Variants in GALNT13 observed in about 807,000 individuals in gnomAD.
GALNT13 encodes UDP-GalNAc:polypeptide N-acetylgalactosaminyltransferase 13.
In GALNT13, 28 loss-of-function variants were observed where a neutral mutation model predicts 64.2. The ratio of observed to expected loss-of-function variants is 0.44; its 90% CI spans 0.32 to 0.60. The LOEUF is 0.60. Ranked by LOEUF, GALNT13 falls within the 20% of genes least tolerant of loss-of-function variation. The pLI, the probability that GALNT13 is intolerant of heterozygous loss-of-function variation, is 0.05. For missense variants in GALNT13, 577 were observed against 669.8 expected, an observed-to-expected ratio of 0.86 and a Z score of 1.53; for synonymous variants, 214 against 224.6, an observed-to-expected ratio of 0.95 and a Z score of 0.42.
intron 3 of GALNT13, among the ~76,000 whole-genome samples, chr2:153,955,598 C>T (rs536742916): frequency 2.0e-5 from 3 of 152,182 alleles, no homozygotes; most frequent in South Asian, 2.1e-4. Flanking sequence ...TTGTTCTTTA[C>T]GAAAAGGGAT....
At chr2:154,223,937 G>C (rs1418791548) in intron 4 of GALNT13, among the ~76,000 whole-genome samples, 1 of 152,024 alleles carries the variant, frequency 6.6e-6, no homozygotes, top group African/African-American at 2.4e-5. Flanking sequence ...GTTGACATAT[G>C]GAGATTACTT....
the GALNT13 span, among the ~76,000 whole-genome samples, chr2:153,235,902 T>C: frequency 6.6e-6 from 1 of 152,180 alleles, no homozygotes; most frequent in Non-Finnish European, 1.5e-5. Flanking sequence ...AAAGCTGAGA[T>C]AGACTGAAAG....
chr2:153,543,253 G>C, the GALNT13 span, among the ~76,000 whole-genome samples: 1 of 152,120 alleles, frequency 6.6e-6, no homozygotes, highest in Non-Finnish European at 1.5e-5. Context: ...AGAAGGAATG[G>C]CCAGAGAAGA....
At chr2:154,101,788 G>A (rs1422666189) in intron 3 of GALNT13, among the ~76,000 whole-genome samples, 1 of 151,988 alleles carries the variant, frequency 6.6e-6, no homozygotes, top group East Asian at 1.9e-4. Context: ...ATTTAATGCT[G>A]TAAATTCTTA....
chr2:153,493,036 G>A, the GALNT13 span, among the ~76,000 whole-genome samples: 5 of 151,984 alleles, frequency 3.3e-5, no homozygotes, highest in Non-Finnish European at 5.9e-5. Flanking sequence ...AGCAAAAGTG[G>A]TGTTTAGGAA....
chr2:153,520,425 T>G, the GALNT13 span, among the ~76,000 whole-genome samples: 1 of 152,166 alleles, frequency 6.6e-6, no homozygotes, highest in East Asian at 1.9e-4. Flanking sequence ...AAGCTTAGTT[T>G]GGGCTTTCAA....
chr2:153,888,274 T>G (rs1280229346), intron 1 of GALNT13, among the ~76,000 whole-genome samples: 6 of 152,146 alleles, frequency 3.9e-5, no homozygotes, highest in Non-Finnish European at 7.4e-5. Context: ...GGACTAAGTT[T>G]TAAATGTAAC....
rs1461816859 is a variant in GALNT13, at chr2:154,060,458, C to T, written c.143-79879C>T. On this transcript the variant is annotated intron_variant, in intron 3 of 12. Coordinates refer to ENST00000392825, the MANE Select transcript of GALNT13 (RefSeq NM_052917.4). ...GCAACCTCCACCTCCCAGATTCAAA[C>T]GATTCTCCTGCCTTAGCCTCCTGAG... 6.6e-5 allele frequency among the ~76,000 whole-genome samples: 10 copies of T among 152,088 alleles called. No homozygotes were observed. The South Asian group carries it at 1.7e-3, about 25-fold the overall frequency.
chr2:154,070,933 A>G (rs7420134), intron 3 of GALNT13, among the ~76,000 whole-genome samples: 1 of 151,964 alleles, frequency 6.6e-6, no homozygotes, highest in Non-Finnish European at 1.5e-5. Flanking sequence ...AAAAAAAAGA[A>G]AAAAGGAAAA....
chr2:154,256,115 T>C (rs1332569884), intron 7 of GALNT13, among the ~76,000 whole-genome samples: 1 of 152,040 alleles, frequency 6.6e-6, no homozygotes, highest in Non-Finnish European at 1.5e-5. Context: ...GCAGGATTGT[T>C]AGCAGTTTGT....
At chr2:153,348,030 C>T in the GALNT13 span, among the ~76,000 whole-genome samples, 1 of 152,146 alleles carries the variant, frequency 6.6e-6, no homozygotes, top group Non-Finnish European at 1.5e-5. Context: ...TGGTCACAGA[C>T]AGTGGCCACC....
chr2:154,360,777 A>G lies in GALNT13; in HGVS notation c.1157-35214A>G, dbSNP rs112875863. ...AATAGAAAGCAGAGCTCCTGCTTTC[A>G]AGGAACTCAGTTTGATGTGGCACCA... On this transcript the variant is annotated intron_variant, in intron 9 of 12. Transcript: ENST00000392825. Among the ~76,000 whole-genome samples, 498 of 152,238 alleles carry G rather than the reference A, an allele frequency of 3.3e-3. 1 individual carries two copies. Among genetic ancestry groups the G allele is most frequent in the African/African-American group, 0.011 (466 of 41,556 alleles).
chr2:154,351,605 C>A (rs1188835053), intron 9 of GALNT13, among the ~76,000 whole-genome samples: 2 of 135,670 alleles, frequency 1.5e-5, no homozygotes, highest in East Asian at 2.4e-4. Flanking sequence ...ATGGCGTGAA[C>A]CCTGGAGGCG....
chr2:153,979,440 T>A (rs6760033), intron 3 of GALNT13, among the ~76,000 whole-genome samples: 116,289 of 152,018 alleles, frequency 0.76, 44,866 homozygotes, highest in East Asian at 0.96. Flanking sequence ...AAATAGATTC[T>A]CTGATGCTTG....
At chr2:153,600,683 G>C in the GALNT13 span, among the ~76,000 whole-genome samples, 1 of 151,974 alleles carries the variant, frequency 6.6e-6, no homozygotes, top group Non-Finnish European at 1.5e-5. Flanking sequence ...TCATTTCAGA[G>C]CTTTAAATCC....
chr2:153,657,615 A>G, the GALNT13 span, among the ~76,000 whole-genome samples: 4 of 152,120 alleles, frequency 2.6e-5, no homozygotes, highest in African/African-American at 9.7e-5. Flanking sequence ...GCCCTCAATT[A>G]CCAAGCCACA....
chr2:154,297,966 T>C (rs1404143724), intron 8 of GALNT13, among the ~76,000 whole-genome samples: 1 of 152,112 alleles, frequency 6.6e-6, no homozygotes, highest in Non-Finnish European at 1.5e-5. Context: ...TGTATGTTTC[T>C]GGGACATACA....
chr2:153,292,725 T>C, the GALNT13 span, among the ~76,000 whole-genome samples: 1 of 152,084 alleles, frequency 6.6e-6, no homozygotes, highest in Non-Finnish European at 1.5e-5. Flanking sequence ...GAACCAGGGC[T>C]TGGGCAGTTC....
At chr2:154,101,479 C>T (rs949222150) in intron 3 of GALNT13, among the ~76,000 whole-genome samples, 2 of 151,926 alleles carry the variant, frequency 1.3e-5, no homozygotes, top group Non-Finnish European at 2.9e-5. Context: ...TTTTGTATTT[C>T]CGTGGTATCA....
Sources: gnomAD v4.1 joint callset for allele counts (sites outside exome capture counted in the v4.1 genomes callset) on GRCh38, gnomAD v4.1.1 for gene constraint, MANE v1.5 for transcripts, NCBI Gene and HGNC (gene_info 2026-07-23, HGNC 2026-07-21) for gene names.